UBAP2L: variants seen among roughly 807,000 people sequenced by gnomAD.
UBAP2L encodes ubiquitin-associated protein 2-like.
In UBAP2L, 12 loss-of-function variants were observed where a neutral mutation model predicts 130.6. That is an observed-to-expected ratio of 0.09 (90% CI 0.06 to 0.15). The LOEUF is 0.15. UBAP2L is among the 10% of genes least tolerant of loss of function. UBAP2L has a pLI of 1.00. For missense variants in UBAP2L, 965 were observed against 1,332.5 expected, an observed-to-expected ratio of 0.72 and a Z score of 4.29; for synonymous variants, 503 against 524.7, an observed-to-expected ratio of 0.96 and a Z score of 0.57.
intron 1 of UBAP2L, among the ~76,000 whole-genome samples, chr1:154,222,087 C>T (rs184680246): frequency 1.3e-5 from 2 of 152,278 alleles, no homozygotes. Context: ...CAGTAACAGG[C>T]GTTTTTGTTA....
chr1:154,269,759 C>G, intron 26 of UBAP2L: 2 of 245,548 alleles, frequency 8.1e-6, no homozygotes, highest in East Asian at 2.3e-4. Flanking sequence ...TGGGGCGATG[C>G]AAGTGGCCTC....
At position 154,254,995 on chromosome 1, in the gene UBAP2L, G is replaced by A. The variant is rs1360970611; in HGVS notation, c.1909+105G>A. On this transcript the variant is annotated intron_variant, in intron 16 of 26. Coordinates refer to ENST00000428931, the MANE Select transcript of UBAP2L (RefSeq NM_014847.4). ...ACTGGACAATTGAGACCCATGCTGT[G>A]TAATTCTCAGCATTAAAGAAAAAAG... 5.5e-6 allele frequency: 8 copies of A among 1,441,530 alleles called. No individual in the cohort carries two copies. The East Asian group carries it at 1.4e-4, about 25-fold the overall frequency. The allele number at this position is 1,441,530 out of a possible 1,614,324, so 89.3% of individuals were successfully genotyped here.
In UBAP2L at chr1:154,259,151, G is replaced by T. The variant is rs78961911; in HGVS notation, c.2496+121G>T. The stretch of plus-strand genomic sequence containing the variant: ...AGCCCTCCATACACTCTGATTTAAG[G>T]CATATTAGAATATAGGGATTTGGGG... On this transcript the variant is annotated intron_variant, in intron 21 of 26. Coordinates refer to ENST00000428931, the MANE Select transcript of UBAP2L (RefSeq NM_014847.4). 975 of 883,372 alleles carry T rather than the reference G, an allele frequency of 1.1e-3. 9 individuals carry two copies. In the Admixed American group the frequency reaches 0.014, roughly 13 times the overall value. 54.7% of individuals were successfully genotyped at this position (883,372 alleles called of 1,614,324 possible).
In UBAP2L at chr1:154,228,581, C is replaced by T. The variant is rs1217113512; in HGVS notation, c.169-34C>T. The T allele has an allele frequency of 4.0e-6, 6 of 1,502,784 alleles. No homozygotes were observed. The African/African-American group carries it at 4.1e-5, about 10-fold the overall frequency. The allele number at this position is 1,502,784 out of a possible 1,614,324, so 93.1% of individuals were successfully genotyped here. On this transcript the variant is annotated intron_variant, in intron 3 of 26. Coordinates refer to ENST00000428931, the MANE Select transcript of UBAP2L (RefSeq NM_014847.4). ...TTTCATTGGGAGTGTGAGCATAAGCCTGTTCATGATGGTTGCTGTTTTTTC... is the reference window on the plus strand; with the variant it reads ...TTTCATTGGGAGTGTGAGCATAAGCTTGTTCATGATGGTTGCTGTTTTTTC...
At chr1:154,255,644 T>C in intron 17 of UBAP2L, 39 bp from the exon 18 acceptor site, 5 of 1,605,104 alleles carry the variant, frequency 3.1e-6, no homozygotes, top group Non-Finnish European at 4.3e-6. Flanking sequence ...CACGTAACTA[T>C]AGCACTATGG....
chr1:154,251,178 C>T lies in UBAP2L; in HGVS notation c.1351C>T (p.Pro451Ser). 6.2e-7 allele frequency: 1 copy of T among 1,614,188 alleles called. No individual in the cohort carries two copies. The highest frequency in any genetic ancestry group is 1.1e-5 in the South Asian group (1 of 91,084). ...AVATSTAAPP[P>S]PSSPLPSKST... ...GGCTACCTCCACAGCTGCACCTCCACCTCCGTCTTCTCCTCTGCCAAGCAA... is the reference window on the plus strand; with the variant it reads ...GGCTACCTCCACAGCTGCACCTCCATCTCCGTCTTCTCCTCTGCCAAGCAA... The change falls in exon 13 of 27, where the codon CCT becomes TCT. Residue 451 changes from proline to serine, a missense_variant. Transcript: ENST00000428931.
chr1:154,235,323 G>A (rs1357907686), intron 6 of UBAP2L, 32 bp downstream of exon 6: 5 of 733,636 alleles, frequency 6.8e-6, no homozygotes, highest in Non-Finnish European at 1.2e-5. Flanking sequence ...GGATATTGGG[G>A]GCAGGTTACT....
chr1:154,269,042 C>T, intron 26 of UBAP2L, 88 bp downstream of exon 26: 1 of 1,468,824 alleles, frequency 6.8e-7, no homozygotes, highest in Non-Finnish European at 9.3e-7. Context: ...TACCCTTCCT[C>T]ACCACCACCT....
intron 11 of UBAP2L, among the ~76,000 whole-genome samples, chr1:154,249,021 T>C (rs907667686): frequency 6.6e-6 from 1 of 152,132 alleles, no homozygotes; most frequent in African/African-American, 2.4e-5. Context: ...GAAAGAGAGA[T>C]TAAAAAATAG....
Position 154,266,489 on chromosome 1 carries a change from C to T in UBAP2L, c.2903-12C>T, listed in dbSNP as rs1432656435. 4 of 1,613,974 alleles carry T rather than the reference C, an allele frequency of 2.5e-6. No homozygotes were observed. Among genetic ancestry groups the T allele is most frequent in the Non-Finnish European group, 3.4e-6 (4 of 1,179,966 alleles). ...CTGAGCTAATCCTCCTGTCTGTTTC[C>T]TCCTCCCCCAGGTGTTTCAGTCACC... is the stretch of plus-strand genomic sequence containing the variant. On this transcript the variant is annotated splice_polypyrimidine_tract_variant and intron_variant, in intron 24 of 26. Coordinates refer to ENST00000428931, the MANE Select transcript of UBAP2L (RefSeq NM_014847.4).
chr1:154,259,096 T>C, intron 21 of UBAP2L, 66 bp downstream of exon 21: 1 of 1,389,246 alleles, frequency 7.2e-7, no homozygotes, highest in Non-Finnish European at 1.0e-6. Context: ...GAGAATTATC[T>C]CCGTCACAGA....
intron 16 of UBAP2L, 124 bp downstream of exon 16, chr1:154,255,014 A>G: frequency 7.0e-7 from 1 of 1,423,754 alleles, no homozygotes; most frequent in Non-Finnish European, 9.5e-7. Context: ...AGCATTAAAG[A>G]AAAAAGATTC....
At chr1:154,244,022 C>T (rs1485443674) in intron 10 of UBAP2L, among the ~76,000 whole-genome samples, 1 of 152,130 alleles carries the variant, frequency 6.6e-6, no homozygotes, top group African/African-American at 2.4e-5. Flanking sequence ...CTGAGTATAA[C>T]AGTTGTTTTT....
In UBAP2L at chr1:154,270,759, G is replaced by GTTTTTTTTTGT; in HGVS notation, c.*473_*474insGTTTTTTTTTT. On this transcript the variant is annotated 3_prime_UTR_variant, in exon 27 of 27. Transcript: ENST00000428931. ...ATTGTCAGATGAATTAGTTGAAGTG[G>GTTTTTTTTTGT]TTTTTTTTTTGTTTTTTTTTTTTTT... 1 of 1,138,610 alleles carries GTTTTTTTTTGT rather than the reference G, an allele frequency of 8.8e-7. No individual in the cohort carries two copies. Among genetic ancestry groups the GTTTTTTTTTGT allele is most frequent in the East Asian group, 4.2e-5 (1 of 23,568 alleles). 70.5% of individuals were successfully genotyped at this position (1,138,610 alleles called of 1,614,324 possible).
intron 1 of UBAP2L, among the ~76,000 whole-genome samples, chr1:154,224,041 C>T (rs897377652): frequency 3.9e-5 from 6 of 152,132 alleles, no homozygotes; most frequent in African/African-American, 1.4e-4. Context: ...CTAAATGCAG[C>T]AGCTGAGATT....
At chr1:154,220,489 G>A (rs748288657), upstream of UBAP2L, 25 of 1,528,744 alleles carry the variant, frequency 1.6e-5, no homozygotes, top group Non-Finnish European at 2.3e-5. Flanking sequence ...AAGCGACGGC[G>A]CCTGGGTCCC....
At chr1:154,237,899 C>G (rs528133508) in intron 8 of UBAP2L, among the ~76,000 whole-genome samples, 5 of 152,188 alleles carry the variant, frequency 3.3e-5, no homozygotes, top group Non-Finnish European at 7.4e-5. Flanking sequence ...GTGCCACTTT[C>G]AATAAGAGCA....
intron 23 of UBAP2L, 117 bp downstream of exon 23, chr1:154,261,226 T>C (rs1681425942): frequency 4.0e-6 from 5 of 1,236,888 alleles, no homozygotes; most frequent in Non-Finnish European, 2.2e-6. Context: ...AGTTTCCACC[T>C]CTGGCCTGTT....
At position 154,268,455 on chromosome 1, in the gene UBAP2L, T is replaced by C. The variant is rs978439924; in HGVS notation, c.2971-302T>C. 1.1e-4 allele frequency among the ~76,000 whole-genome samples: 17 copies of C among 152,224 alleles called. 1 individual carries two copies. The highest frequency in any genetic ancestry group is 1.5e-5 in the Non-Finnish European group (1 of 68,040). On this transcript the variant is annotated intron_variant, in intron 25 of 26. Coordinates refer to ENST00000428931, the MANE Select transcript of UBAP2L (RefSeq NM_014847.4). The stretch of plus-strand genomic sequence containing the variant: ...ATCCACCCATCTTGGCCTCCCAAAG[T>C]GCTGGGATTACAGATGTGAGCCACC...
Sources: allele counts gnomAD v4.1 joint callset (sites outside exome capture counted in the v4.1 genomes callset), GRCh38; gene constraint gnomAD v4.1.1; transcripts MANE v1.5; gene names NCBI Gene and HGNC (gene_info 2026-07-23, HGNC 2026-07-21).